Variants in VMO1 observed in about 807,000 individuals in gnomAD.
The protein encoded by VMO1 is vitelline membrane outer layer protein 1 homolog.
In VMO1, 13 loss-of-function variants were observed where a neutral mutation model predicts 10.1. The ratio of observed to expected loss-of-function variants is 1.29; its 90% CI spans 0.84 to 2.05. The LOEUF (loss-of-function observed/expected upper bound fraction) is 2.05, where lower values mean the gene tolerates loss of function less well. VMO1 is among the 30% of genes most tolerant of loss of function. The pLI, the probability that VMO1 is intolerant of heterozygous loss-of-function variation, is 0.00. For missense variants in VMO1, 304 were observed against 276.9 expected (o/e 1.10, Z -0.70); for synonymous variants, 117 against 122.2 (o/e 0.96, Z 0.28).
intron 2 of VMO1, 73 bp from the exon 3 acceptor site, chr17:4,785,732 A>G (rs1917459361): frequency 2.0e-6 from 3 of 1,528,200 alleles, no homozygotes; most frequent in South Asian, 2.5e-5. Context: ...TTCCAAGCCA[A>G]GTGCTGTGTA....
In VMO1 at chr17:4,786,164, C is replaced by A. The variant is rs768390315; in HGVS notation, c.189G>T (p.Ser63=). ...CPDGFFASGF[S]LKVEPPQGIP... is the part of the protein sequence containing the mutation. ...CCTACGCCTGAGCCCCAACCTTGAG[C>A]GAGAACCCGCTGGCGAAGAATCCAT... Residue 63 remains serine, a synonymous_variant, in exon 1 of 3, where the codon TCG becomes TCT. Transcript: ENST00000328739. The A allele has an allele frequency of 6.2e-6, 10 of 1,601,982 alleles. No individual in the cohort carries two copies. The highest frequency in any genetic ancestry group is 8.5e-6 in the Non-Finnish European group (10 of 1,171,390).
chr17:4,786,341 G>A lies in VMO1; in HGVS notation c.12C>T (p.Gly4=), dbSNP rs1031847376. 3 of 1,575,362 alleles carry A rather than the reference G, an allele frequency of 1.9e-6. No individual in the cohort carries two copies. The highest frequency in any genetic ancestry group is 2.3e-5 in the East Asian group (1 of 43,024). Residue 4 remains glycine (G), a synonymous_variant, in exon 1 of 3, where the codon GGC becomes GGT. Coordinates refer to ENST00000328739, the MANE Select transcript of VMO1 (RefSeq NM_182566.3). MER[G]AGAKLLPLLL... is the part of the protein sequence containing the mutation. ...GCAGCGGCAGCAGCTTGGCTCCTGC[G>A]CCCCGCTCCATCCTGTAGCGTCTGT... is the stretch of plus-strand genomic sequence containing the variant.
At position 4,786,005 on chromosome 17, in the gene VMO1, C is replaced by T. The variant is rs1383866116; in HGVS notation, c.243G>A (p.Gly81=). 1.2e-6 allele frequency: 2 copies of T among 1,614,200 alleles called. No homozygotes were observed. ...TCCCGCGCGCGCAGTGCAGCCTGAT[C>T]CCATTCAGTGCAGTGTCGTCGCCAG... ...GIPGDDTALN[G]IRLHCARGNV... Residue 81 remains glycine (G), a synonymous_variant, in exon 2 of 3, where the codon GGG becomes GGA. Transcript: ENST00000328739.
Position 4,785,978 on chromosome 17 carries a change from G to A in VMO1, c.270C>T (p.Asn90=). The A allele has an allele frequency of 3.1e-6, 5 of 1,614,190 alleles. No individual in the cohort carries two copies. The highest frequency in any genetic ancestry group is 3.4e-6 in the Non-Finnish European group (4 of 1,180,038). ...NGIRLHCARG[N]VLGNTHVVES... is the part of the protein sequence containing the mutation. The stretch of plus-strand genomic sequence containing the variant: ...CTACCACGTGCGTATTGCCTAGGAC[G>A]TTCCCGCGCGCGCAGTGCAGCCTGA... Residue 90 remains asparagine, a synonymous_variant, in exon 2 of 3, where the codon AAC becomes AAT. Coordinates refer to ENST00000328739, the MANE Select transcript of VMO1 (RefSeq NM_182566.3).
rs568789019 is a variant in VMO1 at position 4,786,321 on chromosome 17, G to A, written c.32C>T (p.Pro11Leu). 46 of 1,596,262 alleles carry A rather than the reference G, an allele frequency of 2.9e-5. No homozygotes were observed. The East Asian group carries it at 9.3e-4, about 32-fold the overall frequency. Residue 11 changes from proline to leucine, a missense_variant, in exon 1 of 3, where the codon CCG (proline) becomes CTG (leucine). Transcript: ENST00000328739. MERGAGAKLLPLLLLLRATGF... is the reference protein window; with the variant it reads MERGAGAKLLLLLLLLRATGF... ...AGTCGCCCGCAGAAGCAGCAGCAGC[G>A]GCAGCAGCTTGGCTCCTGCGCCCCG...
intron 2 of VMO1, 28 bp downstream of exon 2, chr17:4,785,909 C>T (rs1438750275): frequency 1.2e-6 from 2 of 1,613,956 alleles, no homozygotes; most frequent in South Asian, 1.1e-5. Context: ...ACCATCACCC[C>T]AAGGGATCCT....
Position 4,786,082 on chromosome 17 carries a change from G to T in VMO1, c.196-30C>A, listed in dbSNP as rs767387176. On this transcript the variant is annotated intron_variant, in intron 1 of 2. Transcript: ENST00000328739. ...GTATCGAGGAGAGGGGCAAGGGCGA[G>T]TCACGGAATTATCATCCTTGGCTCT... 1.9e-6 allele frequency: 3 copies of T among 1,613,936 alleles called. No individual in the cohort carries two copies. The East Asian group carries it at 6.7e-5, about 36-fold the overall frequency.
chr17:4,786,333 G>A lies in VMO1; in HGVS notation c.20C>T (p.Ala7Val). 5.7e-6 allele frequency: 9 copies of A among 1,583,646 alleles called. No homozygotes were observed. Among genetic ancestry groups the A allele is most frequent in the Non-Finnish European group, 7.7e-6 (9 of 1,170,060 alleles). MERGAGAKLLPLLLLLR... is the reference protein window; with the variant it reads MERGAGVKLLPLLLLLR... ...AAGCAGCAGCAGCGGCAGCAGCTTGGCTCCTGCGCCCCGCTCCATCCTGTA... is the reference window on the plus strand; with the variant it reads ...AAGCAGCAGCAGCGGCAGCAGCTTGACTCCTGCGCCCCGCTCCATCCTGTA... The change falls in exon 1 of 3, where the codon GCC becomes GTC. Residue 7 changes from alanine to valine, a missense_variant. By Grantham distance (64) the Ala-to-Val change is moderately conservative. Transcript: ENST00000328739.
At position 4,785,401 on chromosome 17, in the gene VMO1, A is replaced by G. The variant is rs1159641261; in HGVS notation, c.570T>C (p.Thr190=). The G allele has an allele frequency of 6.2e-6, 10 of 1,613,956 alleles. No individual in the cohort carries two copies. The highest frequency in any genetic ancestry group is 3.3e-5 in the Admixed American group (2 of 60,008). Residue 190 remains threonine (T), a synonymous_variant, in exon 3 of 3, where the codon ACT becomes ACC. Coordinates refer to ENST00000328739, the MANE Select transcript of VMO1 (RefSeq NM_182566.3). ...AGAATAAGCGCGCGTCGTTCAGCGCAGTGTCATCGCCGAGGCCTCTAGGTC... is the reference window on the plus strand; with the variant it reads ...AGAATAAGCGCGCGTCGTTCAGCGCGGTGTCATCGCCGAGGCCTCTAGGTC... ...IQGPRGLGDD[T]ALNDARLFCC... is the part of the protein sequence containing the mutation.
chr17:4,785,769 C>G (rs1917460682), intron 2 of VMO1, 110 bp from the exon 3 acceptor site: 1 of 1,509,556 alleles, frequency 6.6e-7, no homozygotes, highest in Non-Finnish European at 8.9e-7. Flanking sequence ...GGGTGCTCCC[C>G]GACCTCCGCC....
In VMO1 at chr17:4,785,723, T is replaced by C. The variant is rs373451482; in HGVS notation, c.312-64A>G. On this transcript the variant is annotated intron_variant, in intron 2 of 2. Transcript: ENST00000328739. ...CCCATTCACCAAGCCCTTGAGACTTTCCAAGCCAAGTGCTGTGTATATGAC... is the reference window on the plus strand; with the variant it reads ...CCCATTCACCAAGCCCTTGAGACTTCCCAAGCCAAGTGCTGTGTATATGAC... 1.7e-3 allele frequency: 2,648 copies of C among 1,536,278 alleles called. 68 individuals are homozygous for C. The South Asian group carries it at 0.03, about 17-fold the overall frequency.
chr17:4,786,070 G>T lies in VMO1; in HGVS notation c.196-18C>A, dbSNP rs549234913. 1 of 1,614,074 alleles carries T rather than the reference G, an allele frequency of 6.2e-7. No individual in the cohort carries two copies. The highest frequency in any genetic ancestry group is 8.5e-7 in the Non-Finnish European group (1 of 1,179,936). On this transcript the variant is annotated intron_variant, in intron 1 of 2. Coordinates refer to ENST00000328739, the MANE Select transcript of VMO1 (RefSeq NM_182566.3). Reference sequence around the variant, plus strand: ...GGCTCCACCTGGGTATCGAGGAGAGGGGCAAGGGCGAGTCACGGAATTATC... The same window carrying T: ...GGCTCCACCTGGGTATCGAGGAGAGTGGCAAGGGCGAGTCACGGAATTATC...
Position 4,786,000 on chromosome 17 carries a change from C to T in VMO1, c.248G>A (p.Arg83Lys), listed in dbSNP as rs1029909711. 1 of 1,614,090 alleles carries T rather than the reference C, an allele frequency of 6.2e-7. No homozygotes were observed. The highest frequency in any genetic ancestry group is 8.5e-7 in the Non-Finnish European group (1 of 1,180,038). Residue 83 changes from arginine (R) to lysine (K), a missense_variant, in exon 2 of 3, where the codon AGG becomes AAG. Physicochemically the swap from Arg to Lys is conservative, Grantham distance 26 (BLOSUM62 2). Coordinates refer to ENST00000328739, the MANE Select transcript of VMO1 (RefSeq NM_182566.3). ...GACGTTCCCGCGCGCGCAGTGCAGC[C>T]TGATCCCATTCAGTGCAGTGTCGTC... ...PGDDTALNGI[R>K]LHCARGNVLG... is the part of the protein sequence containing the mutation.
At position 4,785,475 on chromosome 17, in the gene VMO1, T is replaced by G. The variant is rs1367323528; in HGVS notation, c.496A>C (p.Ser166Arg). 1.9e-6 allele frequency: 3 copies of G among 1,614,200 alleles called. No individual in the cohort carries two copies. Among genetic ancestry groups the G allele is most frequent in the African/African-American group, 2.7e-5 (2 of 75,048 alleles). Residue 166 changes from serine to arginine, a missense_variant, in exon 3 of 3, where the codon AGT (serine) becomes CGT (arginine). Transcript: ENST00000328739. ...CACGCGCCCTTGGGGCAATGGTCAC[T>G]CCAGTCTCCAAAGTCTCCCCAGCTC... ...GLSWGDFGDW[S>R]DHCPKGACGL...
rs776083209 is a variant in VMO1 at position 4,785,977 on chromosome 17, C to T, written c.271G>A (p.Val91Ile). ...TCTACCACGTGCGTATTGCCTAGGACGTTCCCGCGCGCGCAGTGCAGCCTG... is the reference window on the plus strand; with the variant it reads ...TCTACCACGTGCGTATTGCCTAGGATGTTCCCGCGCGCGCAGTGCAGCCTG... ...GIRLHCARGNVLGNTHVVESQ... is the reference protein window; with the variant it reads ...GIRLHCARGNILGNTHVVESQ... Residue 91 changes from valine (V) to isoleucine (I), a missense_variant, in exon 2 of 3, where the codon GTC becomes ATC. By Grantham distance (29) the Val-to-Ile change is conservative (BLOSUM62 3). Coordinates refer to ENST00000328739, the MANE Select transcript of VMO1 (RefSeq NM_182566.3). The T allele has an allele frequency of 1.9e-6, 3 of 1,614,188 alleles. No homozygotes were observed. The highest frequency in any genetic ancestry group is 3.3e-5 in the Admixed American group (2 of 60,016).
intron 2 of VMO1, 116 bp downstream of exon 2, chr17:4,785,821 C>CG: frequency 6.5e-7 from 1 of 1,546,028 alleles, no homozygotes; most frequent in South Asian, 1.2e-5. Flanking sequence ...TTCGCCTCCC[C>CG]GGTCTATACT....
Position 4,785,578 on chromosome 17 carries a change from C to A in VMO1, c.393G>T (p.Thr131=), listed in dbSNP as rs775507847. The change falls in exon 3 of 3, where the codon ACG becomes ACT. Residue 131 remains threonine (T), a synonymous_variant. Transcript: ENST00000328739. Reference sequence around the variant, plus strand: ...TCGCTGCTGTGTTGTCACCGAGGGTCGTGGGTGCCTCCACGCGAAGCGAGA... The same window carrying A: ...TCGCTGCTGTGTTGTCACCGAGGGTAGTGGGTGCCTCCACGCGAAGCGAGA... The part of the protein sequence containing the change: ...VAFSLRVEAP[T]TLGDNTAANN... 2 of 1,613,958 alleles carry A rather than the reference C, an allele frequency of 1.2e-6. No homozygotes were observed. Among genetic ancestry groups the A allele is most frequent in the Admixed American group, 3.3e-5 (2 of 60,034 alleles).
At position 4,785,999 on chromosome 17, in the gene VMO1, C is replaced by G. The variant is rs1359854967; in HGVS notation, c.249G>C (p.Arg83Ser). The change falls in exon 2 of 3, where the codon AGG (arginine) becomes AGC (serine). Residue 83 changes from arginine (R) to serine (S), a missense_variant. By Grantham distance (110) the Arg-to-Ser change is moderately radical. Transcript: ENST00000328739. ...GGACGTTCCCGCGCGCGCAGTGCAG[C>G]CTGATCCCATTCAGTGCAGTGTCGT... ...PGDDTALNGI[R>S]LHCARGNVLG... The G allele has an allele frequency of 1.9e-6, 3 of 1,614,204 alleles. No individual in the cohort carries two copies. The highest frequency in any genetic ancestry group is 1.7e-6 in the Non-Finnish European group (2 of 1,180,030).
Position 4,785,335 on chromosome 17 carries a change from G to A in VMO1, c.*27C>T, listed in dbSNP as rs752357902. On this transcript the variant is annotated 3_prime_UTR_variant, in exon 3 of 3. Transcript: ENST00000328739. ...AGAGGTGGGACTAGCCTCCTGGCCC[G>A]GGAGAGAGCGGCGGCGGCGGCGCCG... 4 of 1,589,778 alleles carry A rather than the reference G, an allele frequency of 2.5e-6. No individual in the cohort carries two copies. The highest frequency in any genetic ancestry group is 2.2e-5 in the East Asian group (1 of 44,522).
Sources: gnomAD v4.1 joint callset for allele counts on GRCh38, gnomAD v4.1.1 for gene constraint, MANE v1.5 for transcripts, NCBI Gene and HGNC (gene_info 2026-07-23, HGNC 2026-07-21) for gene names.